PIK3R5: variants seen among roughly 807,000 people sequenced by gnomAD.
PIK3R5 encodes phosphoinositide 3-kinase regulatory subunit 5.
In PIK3R5, 32 loss-of-function variants were observed where a neutral mutation model predicts 94.9. The observed-to-expected ratio is 0.34, with a 90% CI of 0.25 to 0.45. PIK3R5 has a LOEUF of 0.45. Among genes scored for constraint, PIK3R5 ranks in the 20% least tolerant of loss-of-function variants. The pLI, the probability that PIK3R5 is intolerant of heterozygous loss-of-function variation, is 1.00. For missense variants in PIK3R5, 853 were observed against 1,144.6 expected, an observed-to-expected ratio of 0.75 and a Z score of 3.68; for synonymous variants, 443 against 479.4, an observed-to-expected ratio of 0.92 and a Z score of 0.99.
Position 8,880,974 on chromosome 17 carries a change from C to G in PIK3R5, c.2426G>C (p.Gly809Ala), listed in dbSNP as rs147264255. The change falls in exon 18 of 19, where the codon GGC (glycine) becomes GCC (alanine). Residue 809 changes from glycine to alanine, a missense_variant. Transcript: ENST00000447110. ...CACAGCAAAGGGGCAGCTGTTGGAG[C>G]CGATGATCTGCACCTTGTCCACTTT... is the stretch of plus-strand genomic sequence containing the variant. ...QIKVDKVQII[G>A]SNSCPFAVCL... The G allele has an allele frequency of 1.7e-4, 270 of 1,613,992 alleles. No homozygotes were observed. Among genetic ancestry groups the G allele is most frequent in the Non-Finnish European group, 2.2e-4 (258 of 1,179,988 alleles).
intron 1 of PIK3R5, among the ~76,000 whole-genome samples, chr17:8,919,117 T>C (rs2090682666): frequency 6.6e-6 from 1 of 152,180 alleles, no homozygotes; most frequent in Non-Finnish European, 1.5e-5. Flanking sequence ...CTAAATGCAA[T>C]GTGAGATCCT....
intron 5 of PIK3R5, among the ~76,000 whole-genome samples, chr17:8,900,376 T>C (rs997430582): frequency 1.3e-5 from 2 of 152,216 alleles, no homozygotes; most frequent in Non-Finnish European, 2.9e-5. Flanking sequence ...GGGCACAGGC[T>C]CACTGTATAT....
rs1358672596 is a variant in PIK3R5 at position 8,948,572 on chromosome 17, C to T, written c.-14+17024G>A. 3.3e-5 allele frequency among the ~76,000 whole-genome samples: 5 copies of T among 152,240 alleles called. No homozygotes were observed. The East Asian group carries it at 7.7e-4, about 24-fold the overall frequency. ...ACTAAACATGTGGAGAGGTGCTCCG[C>T]TTCATTAGTCAGAAGGGAAGTGCAC... On this transcript the variant is annotated intron_variant, in intron 1 of 18. Coordinates refer to ENST00000447110, the MANE Select transcript of PIK3R5 (RefSeq NM_001142633.3).
chr17:8,930,238 A>G (rs1349426018), intron 1 of PIK3R5, among the ~76,000 whole-genome samples: 1 of 152,162 alleles, frequency 6.6e-6, no homozygotes, highest in Non-Finnish European at 1.5e-5. Flanking sequence ...GAAATCATAC[A>G]GAGTGCATTC....
chr17:8,944,234 C>A (rs1253800995), intron 1 of PIK3R5, among the ~76,000 whole-genome samples: 1 of 152,120 alleles, frequency 6.6e-6, no homozygotes, highest in Non-Finnish European at 1.5e-5. Context: ...TAGCTCCATC[C>A]ACATTTCTGC....
chr17:8,890,891 T>A lies in PIK3R5; in HGVS notation c.504A>T (p.Pro168=). Reference sequence around the variant, plus strand: ...CAAGGAACTCGGCCTGCACTTCCACTGGGTTCAGCAGCAGCACGGTGCTGG... The same window carrying A: ...CAAGGAACTCGGCCTGCACTTCCACAGGGTTCAGCAGCAGCACGGTGCTGG... ...SSTVTVLLLN[P]VEVQAEFLAV... The change falls in exon 7 of 19, where the codon CCA becomes CCT. Residue 168 remains proline (P), a synonymous_variant. Transcript: ENST00000447110. The surrounding 1 kb of genome is among the most constrained non-coding windows in gnomAD (Gnocchi z 6.1). 1 of 1,613,838 alleles carries A rather than the reference T, an allele frequency of 6.2e-7. No individual in the cohort carries two copies. The highest frequency in any genetic ancestry group is 1.1e-5 in the South Asian group (1 of 90,990).
At chr17:8,891,520 G>A (rs1442026048) in intron 6 of PIK3R5, among the ~76,000 whole-genome samples, 1 of 152,084 alleles carries the variant, frequency 6.6e-6, no homozygotes, top group East Asian at 1.9e-4. Context: ...CCTGGCCACT[G>A]CTACCTCCCT....
rs1218288360 is a variant in PIK3R5 at position 8,879,244 on chromosome 17, C to G, written c.*1395G>C. 1 of 152,260 alleles carries G rather than the reference C, an allele frequency of 6.6e-6. No individual in the cohort carries two copies. Among genetic ancestry groups the G allele is most frequent in the South Asian group, 2.1e-4 (1 of 4,836 alleles). 9.4% of individuals were successfully genotyped at this position (152,260 alleles called of 1,614,324 possible). The stretch of plus-strand genomic sequence containing the variant: ...GATACAGTTCATGCTTCCGTGGCTA[C>G]TTTCTCCACATCAGTCCAGATCCTC... On this transcript the variant is annotated 3_prime_UTR_variant, in exon 19 of 19. Coordinates refer to ENST00000447110, the MANE Select transcript of PIK3R5 (RefSeq NM_001142633.3). This position sits in a 1 kb window ranked among gnomAD's most constrained non-coding sequence, Gnocchi z 4.4.
intron 1 of PIK3R5, among the ~76,000 whole-genome samples, chr17:8,931,652 G>A (rs755234318): frequency 1.3e-5 from 2 of 152,164 alleles, no homozygotes; most frequent in African/African-American, 4.8e-5. Context: ...AGAGGGAAAC[G>A]TGAAAAAGAA....
chr17:8,886,921 A>G (rs1479985853), intron 12 of PIK3R5, among the ~76,000 whole-genome samples, 175 bp downstream of exon 12: 1 of 152,178 alleles, frequency 6.6e-6, no homozygotes, highest in Non-Finnish European at 1.5e-5. Context: ...TCTCACACTC[A>G]GTGTCCTGAG....
chr17:8,886,514 G>A lies in PIK3R5; in HGVS notation c.1997C>T (p.Ala666Val). The change falls in exon 13 of 19, where the codon GCC becomes GTC. Residue 666 changes from alanine (A) to valine (V), a missense_variant. Around this residue, in one of 6 missense-constraint regions of PIK3R5, gnomAD observed 173 missense variants for 274.1 expected, o/e 0.63. Transcript: ENST00000447110. Reference sequence around the variant, plus strand: ...GACTTGCAGCAGCACCGGTCTGGCGGCAAAGCGGCAGTAGTAGAGTAGCAT... The same window carrying A: ...GACTTGCAGCAGCACCGGTCTGGCGACAAAGCGGCAGTAGTAGAGTAGCAT... The part of the protein sequence containing the change: ...ADMLLYYCRF[A>V]ARPVLLQVYQ... 6.2e-7 allele frequency: 1 copy of A among 1,611,442 alleles called. No individual in the cohort carries two copies. The highest frequency in any genetic ancestry group is 8.5e-7 in the Non-Finnish European group (1 of 1,178,648).
chr17:8,890,178 C>T lies in PIK3R5; in HGVS notation c.658-52G>A. ...TGCTCCTGGACCGTGAGCTAGCTGT[C>T]CACCTGTTCCAGTTGCTAGCTTCTT... On this transcript the variant is annotated intron_variant, in intron 7 of 18. Transcript: ENST00000447110. The surrounding 1 kb of genome is among the most constrained non-coding windows in gnomAD (Gnocchi z 6.1). The T allele has an allele frequency of 6.3e-7, 1 of 1,585,114 alleles. No individual in the cohort carries two copies.
intron 3 of PIK3R5, 103 bp downstream of exon 3, chr17:8,908,971 C>T (rs1216356428): frequency 1.4e-6 from 1 of 717,534 alleles, no homozygotes; most frequent in Non-Finnish European, 2.4e-6. Context: ...TGCCCAGCCC[C>T]TCTGGAGGTC....
rs1268128000 is a variant in PIK3R5 at position 8,911,594 on chromosome 17, G to A, written c.-13-87C>T. On this transcript the variant is annotated intron_variant, in intron 1 of 18. Coordinates refer to ENST00000447110, the MANE Select transcript of PIK3R5 (RefSeq NM_001142633.3). The surrounding 1 kb of genome is among the most constrained non-coding windows in gnomAD (Gnocchi z 5.3). ...AGTAAAGACAACAGGTGCTCACAGTGCAGCGCGATCAGCCCAGCCCAGCTA... is the reference window on the plus strand; with the variant it reads ...AGTAAAGACAACAGGTGCTCACAGTACAGCGCGATCAGCCCAGCCCAGCTA... 2.4e-6 allele frequency: 2 copies of A among 848,968 alleles called. No homozygotes were observed. Among genetic ancestry groups the A allele is most frequent in the Non-Finnish European group, 3.7e-6 (2 of 536,060 alleles). 52.6% of individuals were successfully genotyped at this position (848,968 alleles called of 1,614,324 possible). A position where few individuals can be genotyped will look rare whatever the true frequency, so the allele number is the denominator to read the frequency against.
chr17:8,911,836 C>A lies in PIK3R5; in HGVS notation c.-13-329G>T, dbSNP rs966532817. On this transcript the variant is annotated intron_variant, in intron 1 of 18. Coordinates refer to ENST00000447110, the MANE Select transcript of PIK3R5 (RefSeq NM_001142633.3). The surrounding 1 kb of genome is among the most constrained non-coding windows in gnomAD (Gnocchi z 5.3). ...CCAAGTACCCAGGGAGTGGTCAGACCCCAGTGGGCTGGGCAGGAAGATCCT... is the reference window on the plus strand; with the variant it reads ...CCAAGTACCCAGGGAGTGGTCAGACACCAGTGGGCTGGGCAGGAAGATCCT... The A allele has an allele frequency of 3.1e-5, 6 of 194,762 alleles. No homozygotes were observed. Among genetic ancestry groups the A allele is most frequent in the Admixed American group, 2.3e-4 (4 of 17,318 alleles). The allele number at this position is 194,762 out of a possible 1,614,324, so 12.1% of individuals were successfully genotyped here. A position where few individuals can be genotyped will look rare whatever the true frequency, so the allele number is the denominator to read the frequency against.
intron 5 of PIK3R5, among the ~76,000 whole-genome samples, chr17:8,897,723 A>G (rs979309030): frequency 6.6e-6 from 1 of 151,918 alleles, no homozygotes; most frequent in Non-Finnish European, 1.5e-5. Context: ...GTTAGGTGCA[A>G]CCCCCCTCAC....
intron 1 of PIK3R5, among the ~76,000 whole-genome samples, chr17:8,957,995 G>A (rs1024052039): frequency 2.0e-5 from 3 of 152,126 alleles, no homozygotes; most frequent in African/African-American, 7.2e-5. Context: ...GAAAATAGAG[G>A]TCAAATTCAT....
chr17:8,910,214 A>C (rs2090493423), intron 2 of PIK3R5, among the ~76,000 whole-genome samples: 1 of 152,202 alleles, frequency 6.6e-6, no homozygotes, highest in African/African-American at 2.4e-5. Context: ...AACTTCGTGG[A>C]GCTCAAGCTC....
Position 8,911,330 on chromosome 17 carries a change from C to T in PIK3R5, c.103+62G>A. The T allele has an allele frequency of 7.7e-7, 1 of 1,291,068 alleles. No individual in the cohort carries two copies. The highest frequency in any genetic ancestry group is 1.1e-6 in the Non-Finnish European group (1 of 903,118). 80.0% of individuals were successfully genotyped at this position (1,291,068 alleles called of 1,614,324 possible). The stretch of plus-strand genomic sequence containing the variant: ...CCAGTTTCCATGCCTGGTCCAGTGC[C>T]CACCGTGGCCCCTGAGGCTTCCTTG... On this transcript the variant is annotated intron_variant, in intron 2 of 18. Transcript: ENST00000447110. The surrounding 1 kb of genome is among the most constrained non-coding windows in gnomAD (Gnocchi z 5.3).
Sources: allele counts gnomAD v4.1 joint callset (sites outside exome capture counted in the v4.1 genomes callset), GRCh38; gene constraint gnomAD v4.1.1; regional missense constraint gnomAD v4.1.1; non-coding constraint Gnocchi (gnomAD v3.1); transcripts MANE v1.5; gene names NCBI Gene and HGNC (gene_info 2026-07-23, HGNC 2026-07-21).